The following CLEC16A variants were observed in gnomAD, a reference collection of about 807,000 sequenced individuals.
CLEC16A encodes protein CLEC16A.
In CLEC16A, 51 loss-of-function variants were observed where a neutral mutation model predicts 109.5. That is an observed-to-expected ratio of 0.47 (90% CI 0.37 to 0.59). The LOEUF is 0.59. Among genes scored for constraint, CLEC16A ranks in the 20% least tolerant of loss-of-function variants. The probability of loss-of-function intolerance (pLI) is 0.00; values close to 1 mark genes in which losing one functional copy is unlikely to be tolerated. For synonymous variants in CLEC16A, 673 were observed against 564.2 expected (o/e 1.19, Z -2.73); for missense variants, 1,339 against 1,394.0 (o/e 0.96, Z 0.63).
At chr16:11,122,704 G>C (rs1218214971) in intron 20 of CLEC16A, among the ~76,000 whole-genome samples, 1 of 152,034 alleles carries the variant, frequency 6.6e-6, no homozygotes, top group Non-Finnish European at 1.5e-5. Context: ...TCTGACTTTT[G>C]TGTTCATTCC....
chr16:10,951,562 GGGCCCTGGGCAGATGCCT>G (rs2041734770), intron 1 of CLEC16A, among the ~76,000 whole-genome samples: 1 of 152,152 alleles, frequency 6.6e-6, no homozygotes, highest in South Asian at 2.1e-4. Flanking sequence ...TGCTGCACCA[GGGCCCTGGGCAGATGCCT>G]CAGCTCCCAG....
chr16:11,178,528 C>A lies in CLEC16A; in HGVS notation c.3000C>A (p.Asp1000Glu). ...CCCTGCTCTGCGAGGACACGGCTGA[C>A]ACGCTGAGCGTCGAATCGCTGACCC... ...TISLLCEDTADTLSVESLTLV... is the reference protein window; with the variant it reads ...TISLLCEDTAETLSVESLTLV... The change falls in exon 24 of 24, where the codon GAC becomes GAA. Residue 1000 changes from aspartate (D) to glutamate (E), a missense_variant. Transcript: ENST00000409790. This position sits in a 1 kb window ranked among gnomAD's most constrained non-coding sequence, Gnocchi z 6.5. The A allele has an allele frequency of 3.1e-6, 5 of 1,613,316 alleles. No homozygotes were observed. The highest frequency in any genetic ancestry group is 4.2e-6 in the Non-Finnish European group (5 of 1,179,880).
intron 10 of CLEC16A, among the ~76,000 whole-genome samples, chr16:10,995,860 T>C (rs1409480845): frequency 5.9e-5 from 9 of 152,150 alleles, no homozygotes. Flanking sequence ...CTCAAATCGC[T>C]TAGCAGAGCT....
intron 7 of CLEC16A, among the ~76,000 whole-genome samples, chr16:10,976,540 T>G (rs1407273445): frequency 1.3e-5 from 2 of 152,218 alleles, no homozygotes; most frequent in East Asian, 3.9e-4. Flanking sequence ...TATTTTAATT[T>G]GCTGTTGTCA....
intron 18 of CLEC16A, among the ~76,000 whole-genome samples, chr16:11,052,256 T>C (rs575150394): frequency 6.6e-6 from 1 of 152,300 alleles, no homozygotes; most frequent in East Asian, 1.9e-4. Flanking sequence ...AGAGTTTCTT[T>C]CTTAGAAAGC....
At chr16:11,091,966 CCGT>C (rs2050328569) in intron 19 of CLEC16A, among the ~76,000 whole-genome samples, 1 of 152,154 alleles carries the variant, frequency 6.6e-6, no homozygotes, top group Non-Finnish European at 1.5e-5. Context: ...GAAGGCTTCC[CCGT>C]CGGCTGCCCT....
At chr16:11,113,490 C>T (rs186567077) in intron 19 of CLEC16A, among the ~76,000 whole-genome samples, 1 of 152,040 alleles carries the variant, frequency 6.6e-6, no homozygotes. Flanking sequence ...ACAACCCCAT[C>T]TCTACAAAAA....
chr16:11,020,241 C>G lies in CLEC16A; in HGVS notation c.1352C>G (p.Ala451Gly), dbSNP rs200731011. ...MERSKLSELA[A>G]STSVQEQNTT... is the part of the protein sequence containing the mutation. ...CGTAGCAAGCTCTCAGAGCTGGCCG[C>G]CAGCACCTCCGTGCAGGAGCAGAAC... Residue 451 changes from alanine (A) to glycine (G), a missense_variant, in exon 12 of 24, where the codon GCC becomes GGC. Transcript: ENST00000409790. 49 of 1,613,790 alleles carry G rather than the reference C, an allele frequency of 3.0e-5. No individual in the cohort carries two copies. The highest frequency in any genetic ancestry group is 2.8e-4 in the African/African-American group (21 of 75,042).
intron 22 of CLEC16A, 53 bp downstream of exon 22, chr16:11,126,199 A>C: frequency 1.2e-6 from 2 of 1,608,628 alleles, no homozygotes; most frequent in Non-Finnish European, 1.7e-6. Flanking sequence ...GTGGGCGTTC[A>C]AGGTCTTTCT....
intron 6 of CLEC16A, 100 bp downstream of exon 6, chr16:10,972,659 C>T (rs1168231713): frequency 1.6e-5 from 18 of 1,129,646 alleles, no homozygotes; most frequent in African/African-American, 1.4e-4. Flanking sequence ...CTAGCTCAGT[C>T]TGCTACTGAT....
intron 19 of CLEC16A, among the ~76,000 whole-genome samples, chr16:11,111,438 A>G (rs1052792367): frequency 3.3e-5 from 5 of 152,208 alleles, no homozygotes; most frequent in African/African-American, 1.2e-4. Context: ...TTTGCCTCAG[A>G]AATCACAAAG....
At chr16:11,086,603 C>A (rs532792582) in intron 19 of CLEC16A, among the ~76,000 whole-genome samples, 1 of 152,072 alleles carries the variant, frequency 6.6e-6, no homozygotes, top group African/African-American at 2.4e-5. Flanking sequence ...AGTGCAGTGT[C>A]GCTATCTCTG....
chr16:11,044,100 A>C (rs768329425), intron 16 of CLEC16A, 28 bp downstream of exon 16: 3 of 1,593,398 alleles, frequency 1.9e-6, no homozygotes, highest in South Asian at 2.3e-5. Flanking sequence ...GATGGACAGC[A>C]GCATGGTGTG....
chr16:11,014,376 T>C (rs954115410), intron 11 of CLEC16A, among the ~76,000 whole-genome samples: 16 of 152,340 alleles, frequency 1.1e-4, no homozygotes, highest in African/African-American at 3.8e-4. Context: ...TTCCAGTATT[T>C]TGCAATTACA....
At chr16:11,025,651 T>C (rs2046365722) in intron 13 of CLEC16A, among the ~76,000 whole-genome samples, 1 of 152,270 alleles carries the variant, frequency 6.6e-6, no homozygotes, top group African/African-American at 2.4e-5. Flanking sequence ...TCAAGTGATA[T>C]TTTAGTAGGT....
At chr16:11,053,200 C>T (rs537759497) in intron 18 of CLEC16A, among the ~76,000 whole-genome samples, 2 of 152,234 alleles carry the variant, frequency 1.3e-5, no homozygotes, top group South Asian at 2.1e-4. Flanking sequence ...CCACACTCTA[C>T]CTTCTTTTGG....
intron 22 of CLEC16A, among the ~76,000 whole-genome samples, chr16:11,144,390 C>T (rs2053967145): frequency 6.6e-6 from 1 of 152,144 alleles, no homozygotes. Flanking sequence ...TGTGTTCATT[C>T]TCCGTCCTGT....
chr16:11,026,647 T>C (rs1182656512), intron 13 of CLEC16A, among the ~76,000 whole-genome samples: 2 of 44,190 alleles, frequency 4.5e-5, no homozygotes, highest in Non-Finnish European at 8.8e-5. Flanking sequence ...TGTTTGGGGT[T>C]TTTTTTTTTT....
rs1158291617 is a variant in CLEC16A at position 10,996,793 on chromosome 16, G to A, written c.1072-6281G>A. Among the ~76,000 whole-genome samples, 5 of 151,976 alleles carry A rather than the reference G, an allele frequency of 3.3e-5. No individual in the cohort carries two copies. In the East Asian group the frequency reaches 7.7e-4, roughly 23 times the overall value. ...GGGCTCTGAGAGGCGTGGACTGTGG[G>A]CTCTGAGAGGCGTGGCCTGTGGCTT... is the stretch of plus-strand genomic sequence containing the variant. On this transcript the variant is annotated intron_variant, in intron 10 of 23. Transcript: ENST00000409790.
Sources: allele counts gnomAD v4.1 joint callset (sites outside exome capture counted in the v4.1 genomes callset), GRCh38; gene constraint gnomAD v4.1.1; non-coding constraint Gnocchi (gnomAD v3.1); transcripts MANE v1.5; gene names NCBI Gene and HGNC (gene_info 2026-07-23, HGNC 2026-07-21).